PPP1R36: variants seen among roughly 807,000 people sequenced by gnomAD.
PPP1R36 encodes protein phosphatase 1 regulatory subunit 36, also known as chromosome 14 open reading frame 50.
Under a neutral mutation model 53.4 loss-of-function variants are expected in PPP1R36, and 47 were observed. The ratio of observed to expected loss-of-function variants is 0.88; its 90% CI spans 0.70 to 1.12. The LOEUF (loss-of-function observed/expected upper bound fraction) is 1.12. Ranked by LOEUF, PPP1R36 falls within the 50% of genes most tolerant of loss-of-function variation. The pLI is 0.00. For synonymous variants in PPP1R36, 153 were observed against 170.5 expected (o/e 0.90, Z 0.80); for missense variants, 456 against 513.9 (o/e 0.89, Z 1.09).
At chr14:64,570,563 T>C (rs1015900301) in intron 7 of PPP1R36, among the ~76,000 whole-genome samples, 1 of 152,146 alleles carries the variant, frequency 6.6e-6, no homozygotes, top group African/African-American at 2.4e-5. Context: ...CTGTGGTCAG[T>C]TGGTTTACTT....
chr14:64,588,370 A>T, intron 11 of PPP1R36, 75 bp downstream of exon 11: 2 of 1,320,194 alleles, frequency 1.5e-6, no homozygotes, highest in Non-Finnish European at 2.1e-6. Flanking sequence ...GCAGGGGCCC[A>T]GGCACCATGC....
chr14:64,556,956 C>T (rs952226498), intron 3 of PPP1R36, among the ~76,000 whole-genome samples: 19 of 151,102 alleles, frequency 1.3e-4, no homozygotes, highest in Non-Finnish European at 2.1e-4. Flanking sequence ...CCACCCGCCG[C>T]CCCCCAGCAA....
intron 8 of PPP1R36, among the ~76,000 whole-genome samples, chr14:64,585,647 T>C (rs1226423014): frequency 6.6e-6 from 1 of 151,590 alleles, no homozygotes; most frequent in Non-Finnish European, 1.5e-5. Flanking sequence ...GGTGGGAGGA[T>C]TGGGAGGTGG....
At chr14:64,566,442 C>CAA (rs55703167) in intron 6 of PPP1R36, among the ~76,000 whole-genome samples, 6 of 133,548 alleles carry the variant, frequency 4.5e-5, no homozygotes, top group Non-Finnish European at 9.6e-5. Context: ...GACTCCCTCT[C>CAA]AAAAAAAAAA....
At chr14:64,572,419 G>A (rs1212602664) in intron 7 of PPP1R36, among the ~76,000 whole-genome samples, 1 of 152,164 alleles carries the variant, frequency 6.6e-6, no homozygotes, top group Non-Finnish European at 1.5e-5. Context: ...ACAGTATGGG[G>A]GAATGGTTTC....
At chr14:64,550,168 C>A in intron 1 of PPP1R36, 102 bp downstream of exon 1, 2 of 1,464,748 alleles carry the variant, frequency 1.4e-6, no homozygotes, top group Middle Eastern at 2.0e-4. Context: ...AGAGGCGGGT[C>A]GTCGCCTTCG....
At chr14:64,558,121 G>A (rs1259020457) in intron 3 of PPP1R36, among the ~76,000 whole-genome samples, 2 of 152,160 alleles carry the variant, frequency 1.3e-5, no homozygotes, top group African/African-American at 4.8e-5. Flanking sequence ...GTCACAGGCT[G>A]GAGAGTTCTG....
chr14:64,573,562 A>G (rs2080319128), intron 7 of PPP1R36, among the ~76,000 whole-genome samples: 1 of 152,184 alleles, frequency 6.6e-6, no homozygotes, highest in Non-Finnish European at 1.5e-5. Flanking sequence ...GAGCTGTTCT[A>G]TATAAATTAG....
chr14:64,578,249 T>C (rs972783930), intron 8 of PPP1R36, among the ~76,000 whole-genome samples: 1 of 152,216 alleles, frequency 6.6e-6, no homozygotes, highest in East Asian at 1.9e-4. Context: ...CCACCATGCT[T>C]GGCACTTTTT....
At chr14:64,588,405 T>G in intron 11 of PPP1R36, 110 bp downstream of exon 11, 2 of 941,808 alleles carry the variant, frequency 2.1e-6, no homozygotes, top group South Asian at 3.4e-5. Flanking sequence ...CGAGCCATGA[T>G]GACAGCCCCC....
rs750484368 is a variant in PPP1R36 at position 64,568,431 on chromosome 14, C to T, written c.517C>T (p.Pro173Ser). The T allele has an allele frequency of 2.6e-6, 4 of 1,527,040 alleles. No individual in the cohort carries two copies. The highest frequency in any genetic ancestry group is 2.4e-5 in the South Asian group (2 of 84,880). The allele number at this position is 1,527,040 out of a possible 1,614,324, so 94.6% of individuals were successfully genotyped here. Residue 173 changes from proline (P) to serine (S), a missense_variant, in exon 7 of 12, where the codon CCC becomes TCC. Coordinates refer to ENST00000298705, the MANE Select transcript of PPP1R36 (RefSeq NM_172365.3). Reference protein sequence around the residue: ...YLEKNSLEKKPKSYMVGLVEK... With the variant: ...YLEKNSLEKKSKSYMVGLVEK... The stretch of plus-strand genomic sequence containing the variant: ...GGAAAAAAACTCACTGGAAAAGAAA[C>T]CCAAAAGCTATATGGTGTAAGTAAG...
intron 2 of PPP1R36, chr14:64,551,530 C>G: frequency 2.2e-6 from 1 of 445,456 alleles, no homozygotes; most frequent in South Asian, 1.6e-5. Flanking sequence ...TAAATTAATA[C>G]TAGACACTAT....
chr14:64,577,940 T>C (rs555919390), intron 8 of PPP1R36, among the ~76,000 whole-genome samples: 53 of 152,052 alleles, frequency 3.5e-4, no homozygotes, highest in African/African-American at 1.3e-3. Context: ...TTAGCCAGAA[T>C]GGTCTCGATC....
intron 8 of PPP1R36, among the ~76,000 whole-genome samples, chr14:64,580,554 G>A (rs12588509): frequency 0.16 from 24,495 of 152,168 alleles, 2,281 homozygotes; most frequent in East Asian, 0.21. Context: ...GTTAGCACTA[G>A]CTCATTTCCA....
chr14:64,563,296 T>C (rs1332896890), intron 3 of PPP1R36, among the ~76,000 whole-genome samples: 4 of 152,208 alleles, frequency 2.6e-5, no homozygotes, highest in South Asian at 4.1e-4. Flanking sequence ...CAACATTTGG[T>C]ATTTTTCCAT....
chr14:64,586,405 T>C (rs531417839), intron 8 of PPP1R36: 1 of 154,606 alleles, frequency 6.5e-6, no homozygotes, highest in African/African-American at 2.4e-5. Flanking sequence ...GCATAGATCT[T>C]TGTGGATTTT....
chr14:64,561,029 CAG>C (rs2080201709), intron 3 of PPP1R36, among the ~76,000 whole-genome samples: 2 of 152,124 alleles, frequency 1.3e-5, no homozygotes, highest in African/African-American at 4.8e-5. Flanking sequence ...AAATTGTAGC[CAG>C]AGAGAGGGGA....
chr14:64,552,852 A>T lies in PPP1R36; in HGVS notation c.173A>T (p.His58Leu). 6 of 1,613,772 alleles carry T rather than the reference A, an allele frequency of 3.7e-6. No homozygotes were observed. Among genetic ancestry groups the T allele is most frequent in the Non-Finnish European group, 5.1e-6 (6 of 1,179,656 alleles). Residue 58 changes from histidine (H) to leucine (L), a missense_variant, in exon 3 of 12, where the codon CAT becomes CTT. Physicochemically the swap from His to Leu is moderately conservative, Grantham distance 99 (BLOSUM62 -3). Transcript: ENST00000298705. ...GATTCTGTCCAGTGGCTCCTGAAAC[A>T]TCACCCTCAGTGAGTGTGAGACAGA... is the stretch of plus-strand genomic sequence containing the variant. Reference protein sequence around the residue: ...AEDSVQWLLKHHPHFTPAAEV... With the variant: ...AEDSVQWLLKLHPHFTPAAEV...
chr14:64,583,849 A>G (rs1177446235), intron 8 of PPP1R36, among the ~76,000 whole-genome samples: 1 of 148,266 alleles, frequency 6.7e-6, no homozygotes, highest in East Asian at 2.0e-4. Flanking sequence ...AAAGAGTTCC[A>G]GTGTGTATGG....
Sources: allele counts gnomAD v4.1 joint callset (sites outside exome capture counted in the v4.1 genomes callset), GRCh38; gene constraint gnomAD v4.1.1; transcripts MANE v1.5; gene names NCBI Gene and HGNC (gene_info 2026-07-23, HGNC 2026-07-21).